The following GPR39 variants were observed in gnomAD, a reference collection of about 807,000 sequenced individuals.
GPR39 encodes the protein G protein-coupled receptor 39.
A neutral mutation model predicts 18.4 loss-of-function variants in GPR39; 23 were observed. The observed-to-expected ratio is 1.25, with a 90% CI of 0.90 to 1.77. GPR39 has a LOEUF of 1.77. Ranked by LOEUF, GPR39 falls within the 40% of genes most tolerant of loss-of-function variation. GPR39 has a pLI of 0.00. For synonymous variants in GPR39, 280 were observed against 257.9 expected, an observed-to-expected ratio of 1.09 and a Z score of -0.82; for missense variants, 647 against 602.4, an observed-to-expected ratio of 1.07 and a Z score of -0.78.
intron 1 of GPR39, among the ~76,000 whole-genome samples, chr2:132,490,267 A>G (rs1272492433): frequency 6.6e-6 from 1 of 151,982 alleles, no homozygotes; most frequent in Non-Finnish European, 1.5e-5. Context: ...ATAGCGAGAG[A>G]TGAAAAGAAA....
intron 1 of GPR39, among the ~76,000 whole-genome samples, chr2:132,528,987 G>A (rs1215952911): frequency 6.6e-6 from 1 of 152,152 alleles, no homozygotes; most frequent in African/African-American, 2.4e-5. Flanking sequence ...GAGGTACCAG[G>A]TTCATCTCAC....
intron 1 of GPR39, among the ~76,000 whole-genome samples, chr2:132,422,172 C>A (rs547996658): frequency 6.6e-6 from 1 of 152,274 alleles, no homozygotes; most frequent in South Asian, 2.1e-4. Context: ...GGCCTCTCTT[C>A]ATTCTTTGTT....
At chr2:132,635,802 A>C (rs1681742707) in intron 1 of GPR39, among the ~76,000 whole-genome samples, 1 of 152,164 alleles carries the variant, frequency 6.6e-6, no homozygotes, top group Admixed American at 6.5e-5. Context: ...AGTTGAGGTC[A>C]TAAGGGTGGG....
intron 1 of GPR39, among the ~76,000 whole-genome samples, chr2:132,446,012 G>C (rs1680530130): frequency 6.6e-6 from 1 of 152,126 alleles, no homozygotes; most frequent in African/African-American, 2.4e-5. Flanking sequence ...TGTGTTTTGA[G>C]GAAGGGGGTG....
intron 1 of GPR39, among the ~76,000 whole-genome samples, chr2:132,471,774 A>G (rs1194631066): frequency 6.6e-6 from 1 of 151,856 alleles, no homozygotes; most frequent in African/African-American, 2.4e-5. Flanking sequence ...GCCCCAGGTC[A>G]TTGTCGTACT....
At chr2:132,561,165 G>T (rs764891817) in intron 1 of GPR39, among the ~76,000 whole-genome samples, 3 of 151,704 alleles carry the variant, frequency 2.0e-5, no homozygotes, top group African/African-American at 7.3e-5. Flanking sequence ...TGATCCACCC[G>T]CCTCAGACTC....
At chr2:132,586,216 A>G (rs1457717923) in intron 1 of GPR39, among the ~76,000 whole-genome samples, 1 of 151,858 alleles carries the variant, frequency 6.6e-6, no homozygotes, top group Admixed American at 6.6e-5. Flanking sequence ...TGGCGGGGAG[A>G]GGGGAGCAAC....
chr2:132,445,237 A>G (rs960711503), intron 1 of GPR39, among the ~76,000 whole-genome samples: 1 of 152,294 alleles, frequency 6.6e-6, no homozygotes, highest in African/African-American at 2.4e-5. Flanking sequence ...GTTACATTGT[A>G]TATTTTTCTA....
At chr2:132,485,494 A>G (rs1187800496) in intron 1 of GPR39, among the ~76,000 whole-genome samples, 1 of 152,258 alleles carries the variant, frequency 6.6e-6, no homozygotes, top group Non-Finnish European at 1.5e-5. Context: ...GACTTCTTTC[A>G]AAATTGAAGT....
chr2:132,590,390 C>A (rs2104831155), intron 1 of GPR39, among the ~76,000 whole-genome samples: 1 of 152,226 alleles, frequency 6.6e-6, no homozygotes, highest in Non-Finnish European at 1.5e-5. Flanking sequence ...GCTAGGTCCT[C>A]AGAGGATCAG....
chr2:132,466,973 T>C (rs928379922), intron 1 of GPR39, among the ~76,000 whole-genome samples: 2 of 152,218 alleles, frequency 1.3e-5, no homozygotes, highest in African/African-American at 2.4e-5. Flanking sequence ...GTTTTATATT[T>C]TTTTAACATT....
intron 1 of GPR39, among the ~76,000 whole-genome samples, chr2:132,598,688 C>G (rs1251462354): frequency 1.3e-5 from 2 of 151,952 alleles, no homozygotes; most frequent in Non-Finnish European, 2.9e-5. Context: ...CCCAGTCCAC[C>G]AGGGAGCCTA....
At chr2:132,498,336 T>C (rs1681687886) in intron 1 of GPR39, among the ~76,000 whole-genome samples, 2 of 152,230 alleles carry the variant, frequency 1.3e-5, no homozygotes, top group South Asian at 2.1e-4. Context: ...ATATGATGTT[T>C]GGTTTTCCAT....
intron 1 of GPR39, among the ~76,000 whole-genome samples, chr2:132,455,174 T>A (rs1322556008): frequency 6.6e-6 from 1 of 152,172 alleles, no homozygotes; most frequent in African/African-American, 2.4e-5. Flanking sequence ...TAATTGGTCT[T>A]TTCAGAGATT....
At chr2:132,485,396 T>G (rs1681312712) in intron 1 of GPR39, among the ~76,000 whole-genome samples, 1 of 152,190 alleles carries the variant, frequency 6.6e-6, no homozygotes, top group South Asian at 2.1e-4. Context: ...AAGACAACAA[T>G]GAAGTTTGCC....
At chr2:132,621,190 G>A (rs1302602567) in intron 1 of GPR39, among the ~76,000 whole-genome samples, 2 of 152,162 alleles carry the variant, frequency 1.3e-5, no homozygotes, top group East Asian at 3.9e-4. Context: ...CCCTCTCCCA[G>A]CTGGACCTGG....
chr2:132,471,921 A>C lies in GPR39; in HGVS notation c.856+54023A>C, dbSNP rs531386046. Among the ~76,000 whole-genome samples, 13 of 152,278 alleles carry C rather than the reference A, an allele frequency of 8.5e-5. No individual in the cohort carries two copies. The East Asian group carries it at 2.3e-3, about 27-fold the overall frequency. ...GCCAGGCAGAATACCCAAGTCCGCAATGTGTATCAACTTCAGCAGGGATAG... is the reference window on the plus strand; with the variant it reads ...GCCAGGCAGAATACCCAAGTCCGCACTGTGTATCAACTTCAGCAGGGATAG... On this transcript the variant is annotated intron_variant, in intron 1 of 1. Coordinates refer to ENST00000329321, the MANE Select transcript of GPR39 (RefSeq NM_001508.3).
chr2:132,448,835 C>T (rs1046915195), intron 1 of GPR39, among the ~76,000 whole-genome samples: 18 of 152,306 alleles, frequency 1.2e-4, no homozygotes, highest in Admixed American at 1.1e-3. Context: ...GGCAAAATCT[C>T]ACCCAAGGAA....
intron 1 of GPR39, among the ~76,000 whole-genome samples, chr2:132,545,384 T>A (rs1679926917): frequency 6.6e-6 from 1 of 152,222 alleles, no homozygotes; most frequent in African/African-American, 2.4e-5. Flanking sequence ...GAAGGTGATG[T>A]GATTTCAGGG....
Sources: allele counts gnomAD v4.1 joint callset (sites outside exome capture counted in the v4.1 genomes callset), GRCh38; gene constraint gnomAD v4.1.1; transcripts MANE v1.5; gene names NCBI Gene and HGNC (gene_info 2026-07-23, HGNC 2026-07-21).